FGF12: variants seen among roughly 807,000 people sequenced by gnomAD.
FGF12 encodes fibroblast growth factor 12.
In FGF12, 14 loss-of-function variants were observed where a neutral mutation model predicts 23.6. That is an observed-to-expected ratio of 0.59 (90% CI 0.39 to 0.93). The LOEUF (loss-of-function observed/expected upper bound fraction) is 0.93, where lower values mean the gene tolerates loss of function less well. Ranked by LOEUF, FGF12 falls within the 40% of genes least tolerant of loss-of-function variation. The pLI is 0.00. For missense variants in FGF12, 175 were observed against 217.8 expected (o/e 0.80, Z 1.24); for synonymous variants, 62 against 77.3 (o/e 0.80, Z 1.04).
At chr3:192,500,674 C>T (rs972491137) in intron 2 of FGF12, among the ~76,000 whole-genome samples, 15 of 152,234 alleles carry the variant, frequency 9.9e-5, no homozygotes, top group African/African-American at 2.4e-4. Flanking sequence ...AGCAAGACTG[C>T]TCCTCCTACT....
chr3:192,401,795 G>C (rs1224923091), intron 2 of FGF12, among the ~76,000 whole-genome samples: 2 of 152,068 alleles, frequency 1.3e-5, no homozygotes, highest in Admixed American at 1.3e-4. Context: ...TATTGCTTCA[G>C]CTATACTTCA....
At chr3:192,709,223 G>A (rs1041088702) in intron 2 of FGF12, among the ~76,000 whole-genome samples, 3 of 152,114 alleles carry the variant, frequency 2.0e-5, no homozygotes, top group African/African-American at 7.2e-5. Flanking sequence ...ATACTAACCT[G>A]TACAAATAAG....
chr3:192,598,190 A>G (rs1299972799), intron 2 of FGF12, among the ~76,000 whole-genome samples: 1 of 152,180 alleles, frequency 6.6e-6, no homozygotes, highest in Non-Finnish European at 1.5e-5. Flanking sequence ...GTATAACAGA[A>G]CTCTACACAA....
intron 4 of FGF12, among the ~76,000 whole-genome samples, chr3:192,297,265 T>A (rs1276923947): frequency 6.6e-6 from 1 of 152,186 alleles, no homozygotes; most frequent in Non-Finnish European, 1.5e-5. Context: ...GCAAAAATTT[T>A]AAAAATTAAA....
intron 4 of FGF12, among the ~76,000 whole-genome samples, chr3:192,171,090 C>G (rs1715534111): frequency 6.6e-6 from 1 of 152,200 alleles, no homozygotes. Flanking sequence ...AGAGACTATT[C>G]TGTATATACA....
chr3:192,174,487 C>A (rs1419533505), intron 4 of FGF12, among the ~76,000 whole-genome samples: 2 of 152,160 alleles, frequency 1.3e-5, no homozygotes, highest in African/African-American at 4.8e-5. Flanking sequence ...CTGACCAGGG[C>A]AAGACATTTC....
At chr3:192,276,305 C>A (rs1220393555) in intron 4 of FGF12, among the ~76,000 whole-genome samples, 2 of 152,168 alleles carry the variant, frequency 1.3e-5, no homozygotes, top group East Asian at 1.9e-4. Context: ...CAGGCCTACA[C>A]AACAACCTAG....
chr3:192,402,475 A>G (rs1034487069), intron 2 of FGF12, among the ~76,000 whole-genome samples: 6 of 152,214 alleles, frequency 3.9e-5, no homozygotes, highest in African/African-American at 1.4e-4. Flanking sequence ...CCATGTAATC[A>G]CGTTCCACAT....
chr3:192,692,727 AT>A (rs1024369980), intron 2 of FGF12, among the ~76,000 whole-genome samples: 7 of 151,780 alleles, frequency 4.6e-5, no homozygotes, highest in Non-Finnish European at 8.8e-5. Flanking sequence ...AAAAAAAAAA[AT>A]CATTTTAATA....
chr3:192,185,214 T>C lies in FGF12; in HGVS notation c.229-14558A>G, dbSNP rs79930260. Among the ~76,000 whole-genome samples, 503 of 152,360 alleles carry C rather than the reference T, an allele frequency of 3.3e-3. 8 individuals are homozygous for C. The highest frequency in any genetic ancestry group is 0.031 in the East Asian group (162 of 5,184). On this transcript the variant is annotated intron_variant, in intron 4 of 5. Transcript: ENST00000445105. ...TCTTAACATAATGATCACTTTGTAT[T>C]ACATATCATGTGTATTTGCAATGAT...
At chr3:192,208,239 T>C (rs1029704465) in intron 4 of FGF12, among the ~76,000 whole-genome samples, 2 of 152,270 alleles carry the variant, frequency 1.3e-5, no homozygotes, top group Admixed American at 1.3e-4. Context: ...CGATGTGATT[T>C]ATAGAAACTA....
At position 192,378,080 on chromosome 3, in the gene FGF12, T is replaced by TTCTTTCTTTCTTTCTG. The variant is rs1553805084; in HGVS notation, c.14-17543_14-17542insCAGAAAGAAAGAAAGA. Reference sequence around the variant, plus strand: ...TTTCTTTCTTTCTTTCTTTCTTTCTTTCTTTCTTTCTTTCTTCTTTCTTTC... The same window carrying TTCTTTCTTTCTTTCTG: ...TTTCTTTCTTTCTTTCTTTCTTTCTTTCTTTCTTTCTTTCTGTCTTTCTTTCTTTCTTCTTTCTTTC... On this transcript the variant is annotated intron_variant, in intron 2 of 5. Coordinates refer to ENST00000445105, the MANE Select transcript of FGF12 (RefSeq NM_004113.6). 1.8e-3 allele frequency among the ~76,000 whole-genome samples: 191 copies of TTCTTTCTTTCTTTCTG among 105,822 alleles called. 15 individuals carry two copies. The highest frequency in any genetic ancestry group is 5.2e-3 in the African/African-American group (136 of 26,328). The allele number at this position is 105,822 out of a possible 152,430, so 69.4% of individuals were successfully genotyped here. A position where few individuals can be genotyped will look rare whatever the true frequency, so the allele number is the denominator to read the frequency against.
At chr3:192,676,663 G>C (rs1475117834) in intron 2 of FGF12, among the ~76,000 whole-genome samples, 1 of 152,104 alleles carries the variant, frequency 6.6e-6, no homozygotes, top group Non-Finnish European at 1.5e-5. Flanking sequence ...TTAAAATGAG[G>C]TCATTAGGGT....
At chr3:192,440,552 T>C (rs1438457986) in intron 2 of FGF12, among the ~76,000 whole-genome samples, 1 of 152,228 alleles carries the variant, frequency 6.6e-6, no homozygotes, top group East Asian at 1.9e-4. Context: ...AATAAAATCA[T>C]ACATTTGAAT....
intron 2 of FGF12, among the ~76,000 whole-genome samples, chr3:192,473,286 G>GATTT (rs1723224895): frequency 6.6e-6 from 1 of 152,176 alleles, no homozygotes; most frequent in Admixed American, 6.5e-5. Context: ...CTGACACACT[G>GATTT]ATTTCCTTGT....
At chr3:192,331,059 T>C (rs1294784193) in intron 4 of FGF12, among the ~76,000 whole-genome samples, 1 of 152,038 alleles carries the variant, frequency 6.6e-6, no homozygotes. Flanking sequence ...AGGAATTGAA[T>C]AGACATGTCA....
chr3:192,591,619 C>A lies in FGF12; in HGVS notation c.13+135562G>T, dbSNP rs563099472. ...TCAGGCTGAAGTCTTCTTTCTCATG[C>A]ATCATTTACTCATAAGGCAAAAAGA... On this transcript the variant is annotated intron_variant, in intron 2 of 5. Transcript: ENST00000445105. 8.2e-4 allele frequency among the ~76,000 whole-genome samples: 125 copies of A among 151,962 alleles called. 1 individual carries two copies. The highest frequency in any genetic ancestry group is 2.9e-3 in the African/African-American group (119 of 41,530).
intron 2 of FGF12, among the ~76,000 whole-genome samples, chr3:192,459,107 C>A (rs1722775426): frequency 6.6e-6 from 1 of 152,166 alleles, no homozygotes; most frequent in South Asian, 2.1e-4. Context: ...ACCTCTTTTT[C>A]TTCCCAGTCT....
At chr3:192,578,978 T>C (rs1336607134) in intron 2 of FGF12, among the ~76,000 whole-genome samples, 1 of 152,234 alleles carries the variant, frequency 6.6e-6, no homozygotes, top group African/African-American at 2.4e-5. Flanking sequence ...CCACGCTGCC[T>C]TGGTTTGTAA....
Sources: gnomAD v4.1 joint callset for allele counts (sites outside exome capture counted in the v4.1 genomes callset) on GRCh38, gnomAD v4.1.1 for gene constraint, MANE v1.5 for transcripts, NCBI Gene and HGNC (gene_info 2026-07-23, HGNC 2026-07-21) for gene names.